The following NEDD4L variants were observed in gnomAD, a reference collection of about 807,000 sequenced individuals.
NEDD4L encodes NEDD4 like E3 ubiquitin protein ligase.
NEDD4L carries 54 observed loss-of-function variants against 148.9 expected under a neutral mutation model. That is an observed-to-expected ratio of 0.36 (90% CI 0.29 to 0.45). The LOEUF (loss-of-function observed/expected upper bound fraction) is 0.45, where lower values mean the gene tolerates loss of function less well. Among genes scored for constraint, NEDD4L ranks in the 20% least tolerant of loss-of-function variants. The pLI is 1.00. For synonymous variants in NEDD4L, 433 were observed against 440.7 expected, an observed-to-expected ratio of 0.98 and a Z score of 0.22; for missense variants, 856 against 1,233.8, an observed-to-expected ratio of 0.69 and a Z score of 4.59.
chr18:58,144,895 T>C (rs955613959), intron 1 of NEDD4L, among the ~76,000 whole-genome samples: 5 of 152,150 alleles, frequency 3.3e-5, no homozygotes, highest in Non-Finnish European at 5.9e-5. Flanking sequence ...TTAATACATG[T>C]GCATGTGGTA....
chr18:58,248,994 C>A, intron 4 of NEDD4L, 57 bp downstream of exon 4: 2 of 792,230 alleles, frequency 2.5e-6, no homozygotes, highest in Non-Finnish European at 4.0e-6. Context: ...TCGATTATCA[C>A]AGTCAATTCA....
At chr18:58,295,031 C>A (rs748955768) in intron 5 of NEDD4L, among the ~76,000 whole-genome samples, 1 of 152,140 alleles carries the variant, frequency 6.6e-6, no homozygotes, top group South Asian at 2.1e-4. Flanking sequence ...GTATTTCCCC[C>A]ACACAGGCAC....
intron 1 of NEDD4L, chr18:58,045,991 A>G (rs750581861): frequency 1.3e-5 from 2 of 152,004 alleles, no homozygotes; most frequent in Non-Finnish European, 2.9e-5. Flanking sequence ...CTACCCTGGC[A>G]TGGTGTGTGT....
chr18:58,256,646 A>G lies in NEDD4L; in HGVS notation c.297+4592A>G. On this transcript the variant is annotated intron_variant, in intron 5 of 30. Transcript: ENST00000400345. The surrounding 1 kb of genome is among the most constrained non-coding windows in gnomAD (Gnocchi z 5.2). Reference sequence around the variant, plus strand: ...GCAGGGCCAGGGGTGCACATTTAAGATCAGGCAGGATCAGAACGCGGGGCA... The same window carrying G: ...GCAGGGCCAGGGGTGCACATTTAAGGTCAGGCAGGATCAGAACGCGGGGCA... 3 of 1,232,130 alleles carry G rather than the reference A, an allele frequency of 2.4e-6. No homozygotes were observed. The highest frequency in any genetic ancestry group is 2.0e-6 in the Non-Finnish European group (2 of 987,982). 76.3% of individuals were successfully genotyped at this position (1,232,130 alleles called of 1,614,324 possible).
intron 29 of NEDD4L, 67 bp downstream of exon 29, chr18:58,390,809 C>G (rs1003592583): frequency 1.8e-5 from 21 of 1,167,004 alleles, no homozygotes; most frequent in African/African-American, 6.1e-5. Flanking sequence ...AACTCTGGCC[C>G]AAGAACCCTG....
intron 23 of NEDD4L, 119 bp from the exon 24 acceptor site, chr18:58,373,055 T>A (rs1299269286): frequency 1.5e-6 from 1 of 652,498 alleles, no homozygotes; most frequent in Admixed American, 2.3e-5. Flanking sequence ...AACATTGCAT[T>A]AGTAACATAT....
In NEDD4L at chr18:58,134,616, C is replaced by T. The variant is rs61021377; in HGVS notation, c.49-31172C>T. ...CTCGATCTCCTGACCTCGTGATCCG[C>T]CCGCCTCGGCCTCCCAAAGTGCTGG... On this transcript the variant is annotated intron_variant, in intron 1 of 30. Coordinates refer to ENST00000400345, the MANE Select transcript of NEDD4L (RefSeq NM_001144967.3). Among the ~76,000 whole-genome samples the T allele has an allele frequency of 1.6e-5, 2 of 124,994 alleles. 1 individual carries two copies. Among genetic ancestry groups the T allele is most frequent in the Admixed American group, 1.7e-4 (2 of 11,758 alleles). 82.0% of individuals were successfully genotyped at this position (124,994 alleles called of 152,430 possible).
At chr18:58,045,112 CT>C (rs2081515466) in intron 1 of NEDD4L, 1 of 399,174 alleles carries the variant, frequency 2.5e-6, no homozygotes, top group Admixed American at 4.4e-5. Context: ...GGTCGCGCGG[CT>C]GGAGACCCGG....
intron 1 of NEDD4L, among the ~76,000 whole-genome samples, chr18:58,161,859 G>C (rs1039195478): frequency 6.6e-6 from 1 of 152,024 alleles, no homozygotes; most frequent in Non-Finnish European, 1.5e-5. Flanking sequence ...TTTTGAAGAG[G>C]CCTCATACCT....
At chr18:58,146,271 T>C (rs1342767526) in intron 1 of NEDD4L, among the ~76,000 whole-genome samples, 1 of 151,970 alleles carries the variant, frequency 6.6e-6, no homozygotes, top group East Asian at 1.9e-4. Flanking sequence ...TTTCTAGAGA[T>C]GAGGTGGTGC....
intron 5 of NEDD4L, among the ~76,000 whole-genome samples, chr18:58,300,125 C>T (rs1028776327): frequency 6.6e-6 from 1 of 152,170 alleles, no homozygotes; most frequent in African/African-American, 2.4e-5. Flanking sequence ...AGTTACTAGG[C>T]CTTTCTGTGT....
intron 5 of NEDD4L, among the ~76,000 whole-genome samples, chr18:58,291,949 T>G (rs768463258): frequency 2.6e-5 from 4 of 152,200 alleles, no homozygotes; most frequent in Admixed American, 1.3e-4. Flanking sequence ...ACCTGGGATA[T>G]CACCAGTATA....
intron 18 of NEDD4L, among the ~76,000 whole-genome samples, chr18:58,351,549 TGTA>T (rs1376844041): frequency 6.6e-6 from 1 of 152,336 alleles, no homozygotes; most frequent in East Asian, 1.9e-4. Context: ...TTCTGGAAAT[TGTA>T]GTATATTTGC....
intron 2 of NEDD4L, among the ~76,000 whole-genome samples, chr18:58,230,192 A>G (rs939054401): frequency 2.6e-5 from 4 of 152,210 alleles, no homozygotes; most frequent in African/African-American, 9.6e-5. Context: ...CAGCCTCATC[A>G]GGTTTCTGGA....
chr18:58,211,683 T>C (rs908501954), intron 2 of NEDD4L, among the ~76,000 whole-genome samples: 1 of 152,098 alleles, frequency 6.6e-6, no homozygotes. Context: ...CCAAGACAAA[T>C]ATGGAAAAGA....
intron 5 of NEDD4L, among the ~76,000 whole-genome samples, chr18:58,297,597 A>G (rs2055834436): frequency 6.6e-6 from 1 of 152,168 alleles, no homozygotes; most frequent in Non-Finnish European, 1.5e-5. Flanking sequence ...GAGACTTTGT[A>G]GGCTGAAAAC....
intron 1 of NEDD4L, among the ~76,000 whole-genome samples, chr18:58,118,253 G>A (rs2085986421): frequency 1.3e-5 from 2 of 152,240 alleles, no homozygotes; most frequent in African/African-American, 2.4e-5. Flanking sequence ...GTATCCTGCC[G>A]GATTCTGGTA....
chr18:58,221,638 C>T (rs1345902238), intron 2 of NEDD4L: 2 of 985,348 alleles, frequency 2.0e-6, no homozygotes, highest in Non-Finnish European at 2.4e-6. Flanking sequence ...TGCTTTAAAA[C>T]TGGGAAGGAG....
intron 1 of NEDD4L, among the ~76,000 whole-genome samples, chr18:58,161,435 CT>C (rs55873387): frequency 0.024 from 3,333 of 140,254 alleles, 94 homozygotes; most frequent in African/African-American, 0.072. Flanking sequence ...TTTTCTTTTT[CT>C]TTTTTTTTTT....
Sources: gnomAD v4.1 joint callset for allele counts (sites outside exome capture counted in the v4.1 genomes callset) on GRCh38, gnomAD v4.1.1 for gene constraint, Gnocchi (gnomAD v3.1) non-coding constraint, MANE v1.5 for transcripts, NCBI Gene and HGNC (gene_info 2026-07-23, HGNC 2026-07-21) for gene names.